The following STPG2 variants were observed in gnomAD, a reference collection of about 807,000 sequenced individuals.
The protein encoded by STPG2 is sperm-tail PG-rich repeat-containing protein 2.
A neutral mutation model predicts 54.2 loss-of-function variants in STPG2; 56 were observed. That is an observed-to-expected ratio of 1.03 (90% CI 0.83 to 1.29). STPG2 has a LOEUF of 1.29. Ranked by LOEUF, STPG2 falls within the 50% of genes most tolerant of loss-of-function variation. STPG2 has a pLI of 0.00. For missense variants in STPG2, 596 were observed against 544.9 expected (o/e 1.09, Z -0.93); for synonymous variants, 200 against 181.8 (o/e 1.10, Z -0.81).
chr4:97,491,987 C>T (rs930059588), intron 4 of STPG2, among the ~76,000 whole-genome samples: 6 of 151,306 alleles, frequency 4.0e-5, no homozygotes, highest in Non-Finnish European at 7.4e-5. Context: ...TTTGTACCAA[C>T]TTTATCATTA....
chr4:98,055,103 T>C (rs1191311247), intron 5 of STPG2, among the ~76,000 whole-genome samples: 1 of 151,998 alleles, frequency 6.6e-6, no homozygotes, highest in Non-Finnish European at 1.5e-5. Flanking sequence ...GACTAGATCA[T>C]GAAGACCTGA....
intron 5 of STPG2, among the ~76,000 whole-genome samples, chr4:98,023,897 G>C (rs1378697331): frequency 6.6e-6 from 1 of 152,170 alleles, no homozygotes; most frequent in Non-Finnish European, 1.5e-5. Flanking sequence ...GCAGTATTAG[G>C]GTGGGAGTGA....
chr4:97,685,041 A>G (rs544383414), intron 10 of STPG2, among the ~76,000 whole-genome samples: 2 of 152,208 alleles, frequency 1.3e-5, no homozygotes, highest in Non-Finnish European at 2.9e-5. Flanking sequence ...CATACCTATC[A>G]GAATGGCCAA....
intron 8 of STPG2, among the ~76,000 whole-genome samples, chr4:97,896,199 T>C (rs1200136011): frequency 6.6e-6 from 1 of 151,800 alleles, no homozygotes; most frequent in Non-Finnish European, 1.5e-5. Flanking sequence ...TGGGCCACCA[T>C]AGCTCCTATT....
chr4:98,117,820 C>T (rs1443750863), intron 3 of STPG2, among the ~76,000 whole-genome samples: 1 of 152,054 alleles, frequency 6.6e-6, no homozygotes, highest in East Asian at 1.9e-4. Context: ...TTGGGTAAGG[C>T]ACTATTCTTA....
intron 10 of STPG2, among the ~76,000 whole-genome samples, chr4:97,564,561 G>A (rs1247551862): frequency 6.6e-6 from 1 of 152,194 alleles, no homozygotes; most frequent in East Asian, 1.9e-4. Context: ...TGATTTTGCA[G>A]TGACTGGTAC....
At chr4:97,897,606 G>A (rs1731007954) in intron 8 of STPG2, among the ~76,000 whole-genome samples, 1 of 152,102 alleles carries the variant, frequency 6.6e-6, no homozygotes, top group Admixed American at 6.6e-5. Context: ...ATTCTGACTG[G>A]TGTGATATGG....
chr4:97,998,463 G>C (rs1735311605), intron 5 of STPG2, among the ~76,000 whole-genome samples: 1 of 151,970 alleles, frequency 6.6e-6, no homozygotes, highest in Admixed American at 6.6e-5. Context: ...GATACGACAT[G>C]GACTAGAAAT....
chr4:97,927,491 T>C (rs1416792862), intron 8 of STPG2, among the ~76,000 whole-genome samples: 1 of 152,088 alleles, frequency 6.6e-6, no homozygotes, highest in East Asian at 1.9e-4. Context: ...AACAGTATTG[T>C]TTATGATGCT....
chr4:97,536,208 T>C (rs1731527145), intron 4 of STPG2, among the ~76,000 whole-genome samples: 1 of 152,184 alleles, frequency 6.6e-6, no homozygotes, highest in South Asian at 2.1e-4. Flanking sequence ...TCATTGCACT[T>C]AACATGATTT....
intron 9 of STPG2, among the ~76,000 whole-genome samples, chr4:97,768,813 T>C (rs180785234): frequency 5.5e-4 from 83 of 152,138 alleles, no homozygotes; most frequent in African/African-American, 2.0e-3. Context: ...GCAATTCCCC[T>C]GCCTCAGCCT....
rs760821066 is a variant in STPG2 at position 97,972,521 on chromosome 4, G to T, written c.773-81C>A. ...TTGAACTGAGTAATTTTTAATTAAG[G>T]GTTTTTTTCTAAATAAAAAACCCTC... is the stretch of plus-strand genomic sequence containing the variant. On this transcript the variant is annotated intron_variant, in intron 6 of 10. Transcript: ENST00000295268. 1.3e-5 allele frequency: 11 copies of T among 821,350 alleles called. No homozygotes were observed. The Admixed American group carries it at 1.4e-4, about 10-fold the overall frequency. The allele number at this position is 821,350 out of a possible 1,614,324, so 50.9% of individuals were successfully genotyped here.
chr4:97,744,839 G>A lies in STPG2; in HGVS notation c.1205-32025C>T, dbSNP rs573830392. On this transcript the variant is annotated intron_variant, in intron 9 of 10. Transcript: ENST00000295268. ...CACAAGTAACGGAAACCCGCAGAAA[G>A]TGAAAGAGTGGTTAAGGAAGGACTA... Among the ~76,000 whole-genome samples, 37 of 151,506 alleles carry A rather than the reference G, an allele frequency of 2.4e-4. 1 individual carries two copies. Among genetic ancestry groups the A allele is most frequent in the Admixed American group, 2.2e-3 (34 of 15,164 alleles).
rs915159730 is a variant in STPG2 at position 97,943,938 on chromosome 4, A to G, written c.1003T>C (p.Phe335Leu). ...ATAGTTCTTTTGGCTCTTGACAAGA[A>G]AGCAGCATATTTGTTAGTCAAGTTA... ...LPNLTNKYAA[F>L]LSRAKRTMKV... Residue 335 changes from phenylalanine to leucine, a missense_variant, in exon 8 of 11, where the codon TTC becomes CTC. Transcript: ENST00000295268. 1 of 1,595,448 alleles carries G rather than the reference A, an allele frequency of 6.3e-7. No homozygotes were observed. The highest frequency in any genetic ancestry group is 8.5e-7 in the Non-Finnish European group (1 of 1,174,484).
At chr4:98,075,915 G>A (rs1018534451) in intron 5 of STPG2, among the ~76,000 whole-genome samples, 23 of 152,190 alleles carry the variant, frequency 1.5e-4, no homozygotes, top group African/African-American at 5.1e-4. Context: ...TAAAATCTTC[G>A]AGAAGAAAAG....
intron 8 of STPG2, among the ~76,000 whole-genome samples, chr4:97,911,750 G>C (rs1267908653): frequency 6.6e-6 from 1 of 152,178 alleles, no homozygotes; most frequent in African/African-American, 2.4e-5. Flanking sequence ...AGCAGACATA[G>C]CATTTCCTGC....
chr4:97,846,328 C>CA (rs1728947430), intron 8 of STPG2, among the ~76,000 whole-genome samples: 1 of 151,872 alleles, frequency 6.6e-6, no homozygotes, highest in Admixed American at 6.6e-5. Context: ...GACTCTCAAT[C>CA]AAAAAACCAG....
At chr4:97,447,756 G>A (rs1015962040) in intron 4 of STPG2, among the ~76,000 whole-genome samples, 9 of 152,206 alleles carry the variant, frequency 5.9e-5, no homozygotes, top group Non-Finnish European at 1.0e-4. Context: ...TCTTTCGCAG[G>A]GTCAGAGCCC....
intron 9 of STPG2, among the ~76,000 whole-genome samples, chr4:97,789,359 G>A (rs1396440543): frequency 6.6e-6 from 1 of 151,786 alleles, no homozygotes; most frequent in Non-Finnish European, 1.5e-5. Flanking sequence ...AACTAATATA[G>A]CATTCGCAAT....
Sources: gnomAD v4.1 joint callset for allele counts (sites outside exome capture counted in the v4.1 genomes callset) on GRCh38, gnomAD v4.1.1 for gene constraint, MANE v1.5 for transcripts, NCBI Gene and HGNC (gene_info 2026-07-23, HGNC 2026-07-21) for gene names.